Variants in MLIP observed in about 807,000 individuals in gnomAD.
The protein encoded by MLIP is muscular LMNA interacting protein, also known as muscular LMNA-interacting protein.
MLIP carries 79 observed loss-of-function variants against 84.8 expected under a neutral mutation model. The ratio of observed to expected loss-of-function variants is 0.93; its 90% CI spans 0.78 to 1.12. MLIP has a LOEUF of 1.12. Ranked by LOEUF, MLIP falls within the 50% of genes most tolerant of loss-of-function variation. The probability of loss-of-function intolerance (pLI) is 0.00; values close to 1 mark genes in which losing one functional copy is unlikely to be tolerated. For missense variants in MLIP, 1,257 were observed against 1,160.6 expected, an observed-to-expected ratio of 1.08 and a Z score of -1.21; for synonymous variants, 504 against 463.0, an observed-to-expected ratio of 1.09 and a Z score of -1.14.
chr6:54,223,713 A>G (rs1157130971), intron 11 of MLIP, among the ~76,000 whole-genome samples: 1 of 152,012 alleles, frequency 6.6e-6, no homozygotes, highest in Non-Finnish European at 1.5e-5. Context: ...TATTTTTAAT[A>G]TTGTCTTTCT....
At chr6:54,097,393 G>T (rs967587058) in intron 1 of MLIP, among the ~76,000 whole-genome samples, 2 of 152,100 alleles carry the variant, frequency 1.3e-5, no homozygotes, top group African/African-American at 4.8e-5. Context: ...CTTCTCATTG[G>T]TTACAACTTA....
upstream of MLIP, among the ~76,000 whole-genome samples, chr6:54,111,127 C>T (rs115171279): frequency 3.5e-3 from 531 of 152,302 alleles, 4 homozygotes; most frequent in African/African-American, 0.012. Context: ...CTCATTGCTG[C>T]ACAATCTGGC....
Position 54,266,062 on chromosome 6 carries a change from C to A in MLIP, c.*107C>A. On this transcript the variant is annotated 3_prime_UTR_variant, in exon 14 of 14. Transcript: ENST00000502396. ...TTTTTTTTTCCAGAATGAGTGCTCC[C>A]TTTATGAGCTGCAGTGCAGCAGAAC... 8.9e-7 allele frequency: 1 copy of A among 1,121,968 alleles called. No individual in the cohort carries two copies. Among genetic ancestry groups the A allele is most frequent in the Non-Finnish European group, 1.3e-6 (1 of 759,920 alleles). The allele number at this position is 1,121,968 out of a possible 1,614,324, so 69.5% of individuals were successfully genotyped here.
In MLIP at chr6:54,138,215, A is replaced by AGTT. The variant is rs1156419721; in HGVS notation, c.2146_2147insGTT (p.Thr716delinsSerSer). The AGTT allele has an allele frequency of 6.5e-7, 1 of 1,536,064 alleles. No homozygotes were observed. Among genetic ancestry groups the AGTT allele is most frequent in the Non-Finnish European group, 8.7e-7 (1 of 1,146,848 alleles). ...AACCCCATCACTTCCCATATCTCTA[A>AGTT]CAAGGACAGAGGAGCTGATTTCACC... On this transcript the variant is annotated protein_altering_variant, in exon 4 of 14. Coordinates refer to ENST00000502396, the MANE Select transcript of MLIP (RefSeq NM_001281747.2).
At chr6:54,208,181 T>C (rs1779174569) in intron 11 of MLIP, among the ~76,000 whole-genome samples, 1 of 152,228 alleles carries the variant, frequency 6.6e-6, no homozygotes, top group African/African-American at 2.4e-5. Flanking sequence ...ATTGGTTTTA[T>C]CTGTAAGGTA....
At chr6:54,117,745 C>T (rs1000807016) in intron 1 of MLIP, among the ~76,000 whole-genome samples, 1 of 151,174 alleles carries the variant, frequency 6.6e-6, no homozygotes, top group Non-Finnish European at 1.5e-5. Flanking sequence ...AGGAGATCGA[C>T]ACCATCCTGG....
intron 10 of MLIP, among the ~76,000 whole-genome samples, chr6:54,194,264 C>T (rs1778143212): frequency 6.6e-6 from 1 of 152,058 alleles, no homozygotes; most frequent in Non-Finnish European, 1.5e-5. Context: ...AAAATGCAGC[C>T]CTGAAAGCTT....
At chr6:54,024,832 T>G (rs10948796) in intron 1 of MLIP, among the ~76,000 whole-genome samples, 27,133 of 151,614 alleles carry the variant, frequency 0.18, 2,872 homozygotes, top group South Asian at 0.29. Flanking sequence ...GGTAACATGA[T>G]TATTATTATT....
At chr6:54,217,936 T>C in intron 11 of MLIP, 1 of 985,402 alleles carries the variant, frequency 1.0e-6, no homozygotes, top group South Asian at 4.7e-5. Context: ...TCAAGATAAT[T>C]CGCTGGGGTG....
chr6:54,167,503 G>A (rs1729946186), intron 8 of MLIP, among the ~76,000 whole-genome samples: 1 of 151,740 alleles, frequency 6.6e-6, no homozygotes, highest in South Asian at 2.1e-4. Context: ...GGTTAAGTAT[G>A]GTTGTTTTCA....
At chr6:54,026,729 G>GTGTGTA (rs1763826467) in intron 1 of MLIP, among the ~76,000 whole-genome samples, 1 of 151,936 alleles carries the variant, frequency 6.6e-6, no homozygotes, top group Non-Finnish European at 1.5e-5. Flanking sequence ...GTGTGTGTGT[G>GTGTGTA]TGTGTGTGTG....
At chr6:54,177,611 T>G (rs1231858188) in intron 9 of MLIP, among the ~76,000 whole-genome samples, 1 of 151,794 alleles carries the variant, frequency 6.6e-6, no homozygotes, top group Admixed American at 6.5e-5. Context: ...GTAAATTACT[T>G]CAACCATTGT....
chr6:54,202,236 G>A lies in MLIP; in HGVS notation c.2718+3G>A, dbSNP rs1778736444. On this transcript the variant is annotated splice_donor_region_variant and intron_variant, in intron 11 of 13. Coordinates refer to ENST00000502396, the MANE Select transcript of MLIP (RefSeq NM_001281747.2). ...ACAGCGACCTCTTTTCTGAACAGGT[G>A]AGCACATACAAGAGAAAATGTTTGC... The A allele has an allele frequency of 1.3e-6, 2 of 1,501,980 alleles. No individual in the cohort carries two copies. Among genetic ancestry groups the A allele is most frequent in the Non-Finnish European group, 1.8e-6 (2 of 1,125,412 alleles). The allele number at this position is 1,501,980 out of a possible 1,614,324, so 93.0% of individuals were successfully genotyped here.
chr6:54,024,308 A>G (rs1763676159), intron 1 of MLIP, among the ~76,000 whole-genome samples: 1 of 152,240 alleles, frequency 6.6e-6, no homozygotes, highest in South Asian at 2.1e-4. Context: ...CACCATGCCC[A>G]GCCTAAATTA....
At chr6:54,189,948 A>C in intron 10 of MLIP, 34 bp downstream of exon 10, 3 of 1,472,902 alleles carry the variant, frequency 2.0e-6, no homozygotes, top group Non-Finnish European at 2.8e-6. Context: ...TCTACTGCAA[A>C]TTCTGATCTC....
chr6:54,159,437 G>A (rs1399396619), intron 5 of MLIP, among the ~76,000 whole-genome samples: 2 of 152,056 alleles, frequency 1.3e-5, no homozygotes, highest in African/African-American at 4.8e-5. Context: ...AGATAACAAT[G>A]ATAAACTCTG....
chr6:54,040,488 A>T (rs1253192896), intron 1 of MLIP, among the ~76,000 whole-genome samples: 1 of 152,082 alleles, frequency 6.6e-6, no homozygotes, highest in East Asian at 1.9e-4. Flanking sequence ...TAGTTCAACC[A>T]CTGTGGAAAG....
chr6:54,167,988 C>A (rs998181136), intron 8 of MLIP, among the ~76,000 whole-genome samples: 4 of 151,836 alleles, frequency 2.6e-5, no homozygotes, highest in African/African-American at 9.7e-5. Context: ...AAAAGCAGTT[C>A]TGAAATGCTG....
chr6:54,097,258 T>C (rs956178201), intron 1 of MLIP, among the ~76,000 whole-genome samples: 3 of 152,196 alleles, frequency 2.0e-5, no homozygotes, highest in African/African-American at 7.2e-5. Flanking sequence ...AGGGAAGCCC[T>C]TATCATCAGG....
Sources: allele counts gnomAD v4.1 joint callset (sites outside exome capture counted in the v4.1 genomes callset), GRCh38; gene constraint gnomAD v4.1.1; transcripts MANE v1.5; gene names NCBI Gene and HGNC (gene_info 2026-07-23, HGNC 2026-07-21).